The following CDC14B variants were observed in gnomAD, a reference collection of about 807,000 sequenced individuals.
CDC14B encodes the protein dual specificity protein phosphatase CDC14B.
A neutral mutation model predicts 64.2 loss-of-function variants in CDC14B; 22 were observed. That is an observed-to-expected ratio of 0.34 (90% CI 0.24 to 0.49). The LOEUF (loss-of-function observed/expected upper bound fraction) is 0.49, where lower values mean the gene tolerates loss of function less well. Among genes scored for constraint, CDC14B ranks in the 20% least tolerant of loss-of-function variants. The pLI, the probability that CDC14B is intolerant of heterozygous loss-of-function variation, is 0.99. For missense variants in CDC14B, 498 were observed against 629.9 expected (o/e 0.79, Z 2.24); for synonymous variants, 191 against 215.8 (o/e 0.89, Z 1.01).
Position 96,523,841 on chromosome 9 carries a change from T to C in CDC14B, c.947-116A>G, listed in dbSNP as rs115957408. On this transcript the variant is annotated intron_variant, in intron 9 of 13. Transcript: ENST00000375241. ...ATGACTCTGCTTCTTTCAATAGTGG[T>C]TCTCAAGGCTGGTTACACTCTGGAA... is the stretch of plus-strand genomic sequence containing the variant. 1.2e-3 allele frequency: 1,210 copies of C among 1,030,324 alleles called. 8 individuals are homozygous for C. In the African/African-American group the frequency reaches 0.015, roughly 13 times the overall value. 63.8% of individuals were successfully genotyped at this position (1,030,324 alleles called of 1,614,324 possible).
intron 12 of CDC14B, among the ~76,000 whole-genome samples, chr9:96,511,400 G>A (rs566641027): frequency 1.3e-5 from 2 of 152,226 alleles, no homozygotes; most frequent in South Asian, 2.1e-4. Flanking sequence ...GTGAAACCCC[G>A]TCTCTACTAA....
At chr9:96,554,921 G>A (rs1388908865) in intron 4 of CDC14B, among the ~76,000 whole-genome samples, 7 of 152,176 alleles carry the variant, frequency 4.6e-5, no homozygotes, top group Non-Finnish European at 8.8e-5. Flanking sequence ...CTAAATTGAT[G>A]CAACTTATGA....
At chr9:96,578,698 T>A (rs1418148767) in intron 1 of CDC14B, among the ~76,000 whole-genome samples, 2 of 152,224 alleles carry the variant, frequency 1.3e-5, no homozygotes, top group African/African-American at 4.8e-5. Flanking sequence ...CTTAGGTGAC[T>A]AGGCAGATGA....
At chr9:96,616,900 C>A (rs1325995627) in intron 1 of CDC14B, among the ~76,000 whole-genome samples, 1 of 152,090 alleles carries the variant, frequency 6.6e-6, no homozygotes, top group African/African-American at 2.4e-5. Context: ...AAAAAGTAAT[C>A]TGAACTCTGT....
downstream of CDC14B, chr9:96,499,978 C>T (rs1833418630): frequency 6.6e-6 from 1 of 152,588 alleles, no homozygotes; most frequent in Non-Finnish European, 1.5e-5. Context: ...GTGTCAGCCA[C>T]CCAGTCTGGG....
chr9:96,582,726 C>T (rs1463773572), intron 1 of CDC14B, among the ~76,000 whole-genome samples: 1 of 152,184 alleles, frequency 6.6e-6, no homozygotes, highest in South Asian at 2.1e-4. Flanking sequence ...ACATTTCAAA[C>T]AACACAAAAG....
chr9:96,591,717 C>T (rs1303647302), intron 1 of CDC14B, among the ~76,000 whole-genome samples: 1 of 152,026 alleles, frequency 6.6e-6, no homozygotes, highest in Non-Finnish European at 1.5e-5. Context: ...TCACAAGCAA[C>T]AAGATGTCTT....
chr9:96,521,328 C>G (rs1219628753), intron 12 of CDC14B, among the ~76,000 whole-genome samples: 4 of 152,184 alleles, frequency 2.6e-5, no homozygotes, highest in African/African-American at 7.2e-5. Flanking sequence ...ATCTGCCCAC[C>G]TTGGCCTCCC....
At chr9:96,614,232 T>C (rs922736615) in intron 1 of CDC14B, among the ~76,000 whole-genome samples, 20 of 152,042 alleles carry the variant, frequency 1.3e-4, no homozygotes, top group Admixed American at 1.3e-4. Flanking sequence ...TCAGAATTTT[T>C]CTTTTCTTTC....
Position 96,523,267 on chromosome 9 carries a change from G to C in CDC14B, c.1239C>G (p.Pro413=). 12 of 1,613,884 alleles carry C rather than the reference G, an allele frequency of 7.4e-6. No homozygotes were observed. The highest frequency in any genetic ancestry group is 1.0e-5 in the Non-Finnish European group (12 of 1,179,874). The change falls in exon 11 of 14, where the codon CCC becomes CCG. Residue 413 remains proline (P), a synonymous_variant. Coordinates refer to ENST00000375241, the MANE Select transcript of CDC14B (RefSeq NM_033331.4). ...NGVENQDQQE[P]EPYSDDDEIN... ...ACAGAAACGGCTTGATTACCGGTTC[G>C]GGTTCTTGCTGATCTTGATTCTCGA...
Position 96,619,209 on chromosome 9 carries a change from G to T in CDC14B, c.160+10C>A. The T allele has an allele frequency of 2.3e-6, 3 of 1,281,836 alleles. No individual in the cohort carries two copies. Among genetic ancestry groups the T allele is most frequent in the Non-Finnish European group, 2.0e-6 (2 of 1,010,702 alleles). 79.4% of individuals were successfully genotyped at this position (1,281,836 alleles called of 1,614,324 possible). A position where few individuals can be genotyped will look rare whatever the true frequency, so the allele number is the denominator to read the frequency against. ...TCCGGGGCCCTCCGCGCGCCCACTG[G>T]CCGGCTCACCGGTGATGTCCAGGTA... is the stretch of plus-strand genomic sequence containing the variant. On this transcript the variant is annotated intron_variant, in intron 1 of 13. Transcript: ENST00000375241.
At chr9:96,596,960 A>G (rs1299069988) in intron 1 of CDC14B, among the ~76,000 whole-genome samples, 3 of 152,174 alleles carry the variant, frequency 2.0e-5, no homozygotes, top group Non-Finnish European at 4.4e-5. Context: ...GGCAGAAAAA[A>G]TATTTACATA....
intron 9 of CDC14B, among the ~76,000 whole-genome samples, chr9:96,531,579 C>T (rs1838490634): frequency 6.6e-6 from 1 of 151,888 alleles, no homozygotes; most frequent in African/African-American, 2.4e-5. Flanking sequence ...CTTAAAGAAC[C>T]AACCCTTGGT....
At chr9:96,516,719 G>A (rs962393080) in intron 12 of CDC14B, among the ~76,000 whole-genome samples, 4 of 152,028 alleles carry the variant, frequency 2.6e-5, no homozygotes, top group Non-Finnish European at 4.4e-5. Context: ...CAGGTGATCC[G>A]CCTGCCTCAG....
chr9:96,606,177 T>C (rs2118923766), intron 1 of CDC14B, among the ~76,000 whole-genome samples: 1 of 150,170 alleles, frequency 6.7e-6, no homozygotes, highest in African/African-American at 2.4e-5. Flanking sequence ...CAACTAAAAA[T>C]ACAAAAATAA....
intron 1 of CDC14B, among the ~76,000 whole-genome samples, chr9:96,574,891 G>T (rs995057825): frequency 6.6e-6 from 1 of 152,132 alleles, no homozygotes; most frequent in African/African-American, 2.4e-5. Context: ...AAATACGTGA[G>T]CACAGAGTGA....
intron 11 of CDC14B, among the ~76,000 whole-genome samples, chr9:96,523,001 G>A (rs887619710): frequency 6.6e-6 from 1 of 152,164 alleles, no homozygotes; most frequent in African/African-American, 2.4e-5. Flanking sequence ...AGGGGTGAGG[G>A]GCAGGGGTAG....
At chr9:96,566,860 A>T in intron 1 of CDC14B, 2 of 1,581,226 alleles carry the variant, frequency 1.3e-6, no homozygotes, top group Middle Eastern at 1.7e-4. Flanking sequence ...AAGGACTGCC[A>T]GCCGCCGAGA....
intron 3 of CDC14B, 115 bp from the exon 4 acceptor site, chr9:96,562,900 A>G (rs1013197945): frequency 4.8e-5 from 34 of 708,112 alleles, no homozygotes; most frequent in Non-Finnish European, 7.7e-5. Flanking sequence ...TATTAGCAAG[A>G]CCTTTGAAAA....
Sources: gnomAD v4.1 joint callset for allele counts (sites outside exome capture counted in the v4.1 genomes callset) on GRCh38, gnomAD v4.1.1 for gene constraint, MANE v1.5 for transcripts, NCBI Gene and HGNC (gene_info 2026-07-23, HGNC 2026-07-21) for gene names.